Variants in LRRC4C observed in about 807,000 individuals in gnomAD.
LRRC4C encodes leucine rich repeat containing 4C, also known as leucine-rich repeat-containing protein 4C.
A neutral mutation model predicts 33.6 loss-of-function variants in LRRC4C; 5 were observed. The observed-to-expected ratio is 0.15, with a 90% CI of 0.08 to 0.31. The LOEUF (loss-of-function observed/expected upper bound fraction) is 0.31. Among genes scored for constraint, LRRC4C ranks in the 10% least tolerant of loss-of-function variants. The pLI, the probability that LRRC4C is intolerant of heterozygous loss-of-function variation, is 1.00. For synonymous variants in LRRC4C, 329 were observed against 302.0 expected, an observed-to-expected ratio of 1.09 and a Z score of -0.93; for missense variants, 560 against 796.7, an observed-to-expected ratio of 0.70 and a Z score of 3.58.
intron 5 of LRRC4C, among the ~76,000 whole-genome samples, chr11:40,180,840 A>AT (rs1028334781): frequency 6.6e-6 from 1 of 152,158 alleles, no homozygotes; most frequent in Non-Finnish European, 1.5e-5. Flanking sequence ...GATATGCTAT[A>AT]TTTTTTGTTT....
At position 41,416,900 on chromosome 11, in the gene LRRC4C, G is replaced by T. The variant is rs564742104; in HGVS notation, c.-496+42531C>A. On this transcript the variant is annotated intron_variant, in intron 1 of 6. Coordinates refer to ENST00000528697, the MANE Select transcript of LRRC4C (RefSeq NM_001258419.2). ...TCATTTCTGATGTTTTCCATCTCTT[G>T]TGGCGTGGCAACTGAGTAATGAGCC... Among the ~76,000 whole-genome samples the T allele has an allele frequency of 2.6e-5, 4 of 152,058 alleles. No individual in the cohort carries two copies. In the South Asian group the frequency reaches 8.3e-4, roughly 32 times the overall value.
At chr11:41,391,456 C>A (rs565673531) in intron 1 of LRRC4C, among the ~76,000 whole-genome samples, 2 of 151,626 alleles carry the variant, frequency 1.3e-5, no homozygotes, top group South Asian at 4.2e-4. Flanking sequence ...TTTGGGAATA[C>A]AGGAAAAAAA....
intron 2 of LRRC4C, among the ~76,000 whole-genome samples, chr11:40,708,955 C>T (rs1177842164): frequency 6.6e-6 from 1 of 152,108 alleles, no homozygotes; most frequent in African/African-American, 2.4e-5. Context: ...GATCCCTTTA[C>T]CATTATATAA....
At chr11:40,118,348 C>G (rs1338111410) in intron 6 of LRRC4C, among the ~76,000 whole-genome samples, 3 of 150,992 alleles carry the variant, frequency 2.0e-5, no homozygotes. Flanking sequence ...TTGTTGTTTC[C>G]CTCAGCCAGA....
chr11:41,169,367 T>C (rs183475722), intron 1 of LRRC4C, among the ~76,000 whole-genome samples: 5 of 152,248 alleles, frequency 3.3e-5, no homozygotes, highest in Non-Finnish European at 7.4e-5. Flanking sequence ...CACATGTAAT[T>C]GTACACCAAT....
At chr11:41,123,304 G>T (rs1212679124) in intron 1 of LRRC4C, among the ~76,000 whole-genome samples, 1 of 113,290 alleles carries the variant, frequency 8.8e-6, no homozygotes, top group Admixed American at 1.2e-4. Flanking sequence ...ACGGAGTCTC[G>T]CTCTGTCGCC....
intron 2 of LRRC4C, among the ~76,000 whole-genome samples, chr11:40,846,891 TTTCTAGGTAATTTA>T (rs1953205249): frequency 6.6e-6 from 1 of 152,142 alleles, no homozygotes; most frequent in African/African-American, 2.4e-5. Flanking sequence ...GTAAGTTGTA[TTTCTAGGTAATTTA>T]TTCTCTTTGT....
At chr11:41,403,305 A>G (rs181853013) in intron 1 of LRRC4C, among the ~76,000 whole-genome samples, 5 of 152,236 alleles carry the variant, frequency 3.3e-5, no homozygotes, top group Non-Finnish European at 7.4e-5. Context: ...AGTACTTTCC[A>G]ATTGTCTGAA....
intron 2 of LRRC4C, among the ~76,000 whole-genome samples, chr11:40,692,028 G>A (rs780667196): frequency 2.9e-4 from 44 of 151,908 alleles, no homozygotes; most frequent in Non-Finnish European, 3.8e-4. Context: ...TCAGAAAATA[G>A]ACACCATTTA....
In LRRC4C at chr11:41,378,920, GT is replaced by G. The variant is rs113076444; in HGVS notation, c.-496+80510del. Among the ~76,000 whole-genome samples the G allele has an allele frequency of 1.9e-3, 270 of 143,144 alleles. 1 individual carries two copies. Among genetic ancestry groups the G allele is most frequent in the Middle Eastern group, 3.8e-3 (1 of 264 alleles). 93.9% of individuals were successfully genotyped at this position (143,144 alleles called of 152,430 possible). On this transcript the variant is annotated intron_variant, in intron 1 of 6. Transcript: ENST00000528697. ...AAAACAATATAAGTCAGCGGGAAGA[GT>G]TTTTTTTTTTTGTCTGTTTTTTATT...
intron 2 of LRRC4C, among the ~76,000 whole-genome samples, chr11:40,795,533 AT>A (rs1170913558): frequency 3.3e-5 from 5 of 152,076 alleles, no homozygotes; most frequent in African/African-American, 7.2e-5. Flanking sequence ...CCGTCTCAAA[AT>A]AAATAAATAA....
intron 3 of LRRC4C, among the ~76,000 whole-genome samples, chr11:40,570,068 G>A (rs1957921627): frequency 6.6e-6 from 1 of 151,568 alleles, no homozygotes; most frequent in Non-Finnish European, 1.5e-5. Flanking sequence ...ATATATATGA[G>A]TATATACATA....
chr11:40,777,203 T>G (rs1950034784), intron 2 of LRRC4C, among the ~76,000 whole-genome samples: 1 of 152,196 alleles, frequency 6.6e-6, no homozygotes, highest in Non-Finnish European at 1.5e-5. Context: ...TCTGTGCTTA[T>G]TGGGTGGAGT....
At chr11:41,180,540 GC>G (rs1314128645) in intron 1 of LRRC4C, among the ~76,000 whole-genome samples, 1 of 152,126 alleles carries the variant, frequency 6.6e-6, no homozygotes, top group Non-Finnish European at 1.5e-5. Flanking sequence ...GCTTCCACTT[GC>G]CCTTTGCAAA....
chr11:41,035,034 T>C (rs2137882363), intron 1 of LRRC4C, among the ~76,000 whole-genome samples: 1 of 151,072 alleles, frequency 6.6e-6, no homozygotes, highest in African/African-American at 2.4e-5. Flanking sequence ...CCAGGGTACA[T>C]GTGCAGGATG....
At chr11:40,708,755 G>A (rs562095778) in intron 2 of LRRC4C, among the ~76,000 whole-genome samples, 45 of 151,506 alleles carry the variant, frequency 3.0e-4, no homozygotes, top group Non-Finnish European at 6.0e-4. Flanking sequence ...TTTAGTCCTG[G>A]ATATCCTTTT....
At chr11:41,117,685 T>C in intron 1 of LRRC4C, among the ~76,000 whole-genome samples, 1 of 152,136 alleles carries the variant, frequency 6.6e-6, no homozygotes, top group East Asian at 1.9e-4. Context: ...TGTGACATTA[T>C]TAAATCAGTA....
At chr11:40,895,316 AAATAT>A (rs146142504) in intron 2 of LRRC4C, among the ~76,000 whole-genome samples, 5,370 of 150,382 alleles carry the variant, frequency 0.036, 112 homozygotes, top group Middle Eastern at 0.059. Context: ...CATATATTTT[AAATAT>A]AATATGTTAA....
chr11:40,146,471 T>C (rs1439093328), intron 5 of LRRC4C, among the ~76,000 whole-genome samples: 2 of 152,136 alleles, frequency 1.3e-5, no homozygotes, highest in Non-Finnish European at 2.9e-5. Flanking sequence ...ACCCTATCTA[T>C]AGGAACTCTA....
Sources: gnomAD v4.1 joint callset for allele counts (sites outside exome capture counted in the v4.1 genomes callset) on GRCh38, gnomAD v4.1.1 for gene constraint, MANE v1.5 for transcripts, NCBI Gene and HGNC (gene_info 2026-07-23, HGNC 2026-07-21) for gene names.